PGLYRP3: variants seen among roughly 807,000 people sequenced by gnomAD.
PGLYRP3 encodes the protein peptidoglycan recognition protein 3.
Under a neutral mutation model 36.0 loss-of-function variants are expected in PGLYRP3, and 39 were observed. The observed-to-expected ratio is 1.08, with a 90% CI of 0.84 to 1.41. The LOEUF is 1.41. PGLYRP3 is among the 40% of genes most tolerant of loss of function. The pLI, the probability that PGLYRP3 is intolerant of heterozygous loss-of-function variation, is 0.00. For missense variants in PGLYRP3, 407 were observed against 427.9 expected, an observed-to-expected ratio of 0.95 and a Z score of 0.43; for synonymous variants, 204 against 172.8, an observed-to-expected ratio of 1.18 and a Z score of -1.42.
At position 153,297,907 on chromosome 1, in the gene PGLYRP3, G is replaced by C. The variant is rs1297295048; in HGVS notation, c.*49C>G. ...GCCACCTTGGCTGGTGAGGGTTGGA[G>C]AGACCCAGCAGGGGAGGGAGGGCAG... On this transcript the variant is annotated 3_prime_UTR_variant, in exon 8 of 8. Transcript: ENST00000683862. The C allele has an allele frequency of 5.0e-6, 8 of 1,594,890 alleles. No individual in the cohort carries two copies. The highest frequency in any genetic ancestry group is 6.8e-6 in the Non-Finnish European group (8 of 1,167,958).
intron 4 of PGLYRP3, among the ~76,000 whole-genome samples, chr1:153,304,635 C>T (rs1435789539): frequency 2.6e-5 from 4 of 152,214 alleles, no homozygotes; most frequent in Non-Finnish European, 5.9e-5. Context: ...AGCCATGCTT[C>T]TCTGCCTCTG....
chr1:153,300,310 A>C (rs1659554167), intron 6 of PGLYRP3, among the ~76,000 whole-genome samples: 1 of 152,180 alleles, frequency 6.6e-6, no homozygotes, highest in South Asian at 2.1e-4. Context: ...TCCCTCTAGA[A>C]GCCATTCTCA....
rs760313495 is a variant in PGLYRP3, at chr1:153,297,928, G to A, written c.*28C>T. 3 of 1,607,684 alleles carry A rather than the reference G, an allele frequency of 1.9e-6. No individual in the cohort carries two copies. Among genetic ancestry groups the A allele is most frequent in the East Asian group, 4.5e-5 (2 of 44,720 alleles). On this transcript the variant is annotated 3_prime_UTR_variant, in exon 8 of 8. Transcript: ENST00000683862. ...TGGAGAGACCCAGCAGGGGAGGGAG[G>A]GCAGTCTCAAAGGGAGTGGGGCCTC...
At position 153,303,895 on chromosome 1, in the gene PGLYRP3, G is replaced by T; in HGVS notation, c.491C>A (p.Thr164Asn). 1.9e-6 allele frequency: 3 copies of T among 1,613,884 alleles called. No homozygotes were observed. The highest frequency in any genetic ancestry group is 1.1e-5 in the South Asian group (1 of 91,036). ...YIQPLLLKEE[T>N]CLDPQHPVMP... The stretch of plus-strand genomic sequence containing the variant: ...CACTGGATGTTGAGGGTCCAGGCAG[G>T]TCTCTTCTTTCAGAAGAAGTGGCTG... The change falls in exon 5 of 8, where the codon ACC becomes AAC. Residue 164 changes from threonine to asparagine, a missense_variant. By Grantham distance (65) the Thr-to-Asn change is moderately conservative. Coordinates refer to ENST00000683862, the MANE Select transcript of PGLYRP3 (RefSeq NM_052891.3).
rs557351089 is a variant in PGLYRP3 at position 153,302,684 on chromosome 1, A to G, written c.530-77T>C. On this transcript the variant is annotated intron_variant, in intron 5 of 7. Coordinates refer to ENST00000683862, the MANE Select transcript of PGLYRP3 (RefSeq NM_052891.3). The stretch of plus-strand genomic sequence containing the variant: ...GAGCAATCACTCAACTCCAGGCTGG[A>G]TTATTCCTCAGCCTCTCCCAGGCCT... 53 of 1,405,884 alleles carry G rather than the reference A, an allele frequency of 3.8e-5. No homozygotes were observed. The African/African-American group carries it at 7.1e-4, about 19-fold the overall frequency. The allele number at this position is 1,405,884 out of a possible 1,614,324, so 87.1% of individuals were successfully genotyped here.
intron 1 of PGLYRP3, 101 bp from the exon 2 acceptor site, chr1:153,310,807 G>A: frequency 1.4e-6 from 1 of 740,632 alleles, no homozygotes; most frequent in South Asian, 1.8e-5. Flanking sequence ...CCATCCTGTG[G>A]CTTCCTGAGG....
At chr1:153,299,592 T>TCTC (rs1271898507) in intron 6 of PGLYRP3, among the ~76,000 whole-genome samples, 1 of 151,900 alleles carries the variant, frequency 6.6e-6, no homozygotes, top group South Asian at 2.1e-4. Context: ...CCCTCCTTGT[T>TCTC]CTCCTCCTCC....
Position 153,312,762 on chromosome 1 carries a change from G to A in PGLYRP3, c.-161C>T, listed in dbSNP as rs898922399. ...CAGGACCTGCCCTTCTTCTCCAGCT[G>A]GTGCCTCCTCAGGCCTTCACTCCCC... On this transcript the variant is annotated 5_prime_UTR_variant, in exon 1 of 8. Transcript: ENST00000683862. Among the ~76,000 whole-genome samples the A allele has an allele frequency of 9.9e-5, 15 of 152,244 alleles. No homozygotes were observed. The highest frequency in any genetic ancestry group is 3.4e-4 in the African/African-American group (14 of 41,562).
At position 153,297,220 on chromosome 1, in the gene PGLYRP3, T is replaced by A. The variant is rs575295975; in HGVS notation, c.*736A>T. 9.2e-5 allele frequency among the ~76,000 whole-genome samples: 14 copies of A among 152,184 alleles called. No homozygotes were observed. The East Asian group carries it at 2.5e-3, about 27-fold the overall frequency. ...GAGGATAGAGATGAATAAAATAGAATTCCTCCCTTGGAGAAACTTACAACC... is the reference window on the plus strand; with the variant it reads ...GAGGATAGAGATGAATAAAATAGAAATCCTCCCTTGGAGAAACTTACAACC... On this transcript the variant is annotated 3_prime_UTR_variant, in exon 8 of 8. Transcript: ENST00000683862.
At position 153,303,889 on chromosome 1, in the gene PGLYRP3, A is replaced by G; in HGVS notation, c.497T>C (p.Leu166Pro). 1 of 1,613,920 alleles carries G rather than the reference A, an allele frequency of 6.2e-7. No homozygotes were observed. Among genetic ancestry groups the G allele is most frequent in the Non-Finnish European group, 8.5e-7 (1 of 1,179,960 alleles). ...GGGCATCACTGGATGTTGAGGGTCC[A>G]GGCAGGTCTCTTCTTTCAGAAGAAG... ...QPLLLKEETC[L>P]DPQHPVMPRK... Residue 166 changes from leucine (L) to proline (P), a missense_variant, in exon 5 of 8, where the codon CTG becomes CCG. Coordinates refer to ENST00000683862, the MANE Select transcript of PGLYRP3 (RefSeq NM_052891.3).
chr1:153,302,710 C>T, intron 5 of PGLYRP3, 103 bp from the exon 6 acceptor site: 2 of 1,080,846 alleles, frequency 1.9e-6, no homozygotes, highest in African/African-American at 1.5e-5. Context: ...TCCCAGGCCT[C>T]CAGCACCCAC....
At chr1:153,305,167 A>C (rs926145952) in intron 3 of PGLYRP3, 102 bp from the exon 4 acceptor site, 2 of 856,764 alleles carry the variant, frequency 2.3e-6, no homozygotes, top group South Asian at 1.8e-5. Flanking sequence ...ATAAGTAAGT[A>C]CTATGTTCCA....
intron 3 of PGLYRP3, among the ~76,000 whole-genome samples, chr1:153,305,698 G>A (rs1044752853): frequency 2.0e-5 from 3 of 152,110 alleles, no homozygotes; most frequent in South Asian, 2.1e-4. Context: ...ATGAGTTTCC[G>A]CAGCAAACTG....
chr1:153,310,439 A>G (rs1659866438), intron 2 of PGLYRP3, among the ~76,000 whole-genome samples, 172 bp downstream of exon 2: 1 of 152,252 alleles, frequency 6.6e-6, no homozygotes, highest in Admixed American at 6.5e-5. Context: ...ATAACAAAGG[A>G]CAGGCAAGGA....
intron 2 of PGLYRP3, among the ~76,000 whole-genome samples, chr1:153,310,407 A>G (rs1183415679): frequency 6.6e-6 from 1 of 152,232 alleles, no homozygotes; most frequent in East Asian, 1.9e-4. Context: ...ATTCCAAGAA[A>G]TTGAATAACT....
In PGLYRP3 at chr1:153,299,103, C is replaced by T. The variant is rs1213685433; in HGVS notation, c.847+10G>A. 1.9e-6 allele frequency: 3 copies of T among 1,610,602 alleles called. No homozygotes were observed. The highest frequency in any genetic ancestry group is 2.5e-6 in the Non-Finnish European group (3 of 1,176,978). On this transcript the variant is annotated intron_variant, in intron 7 of 7. Coordinates refer to ENST00000683862, the MANE Select transcript of PGLYRP3 (RefSeq NM_052891.3). ...CCCCAGCACCCCTCTACCCCATGCTCACCCCTTACCTACAAAGTAGCCGAT... is the reference window on the plus strand; with the variant it reads ...CCCCAGCACCCCTCTACCCCATGCTTACCCCTTACCTACAAAGTAGCCGAT...
rs145817152 is a variant in PGLYRP3, at chr1:153,307,118, C to G, written c.205G>C (p.Gly69Arg). 3.1e-6 allele frequency: 5 copies of G among 1,613,494 alleles called. No homozygotes were observed. Among genetic ancestry groups the G allele is most frequent in the Non-Finnish European group, 4.2e-6 (5 of 1,179,820 alleles). ...GTGTAGACGGAATGGGACTGCAACC[C>G]CCGCAGCATCTGGCTGCAAACGCTC... ...QQSVCSQMLR[G>R]LQSHSVYTIG... The change falls in exon 3 of 8, where the codon GGG (glycine) becomes CGG (arginine). Residue 69 changes from glycine (G) to arginine (R), a missense_variant. Physicochemically the swap from Gly to Arg is moderately radical, Grantham distance 125 (BLOSUM62 -2). Coordinates refer to ENST00000683862, the MANE Select transcript of PGLYRP3 (RefSeq NM_052891.3).
At chr1:153,302,704 A>G in intron 5 of PGLYRP3, 97 bp from the exon 6 acceptor site, 1 of 1,182,890 alleles carries the variant, frequency 8.5e-7, no homozygotes, top group Non-Finnish European at 1.2e-6. Context: ...AGCCTCTCCC[A>G]GGCCTCCAGC....
At chr1:153,308,216 G>A (rs532744408) in intron 2 of PGLYRP3, among the ~76,000 whole-genome samples, 5 of 152,218 alleles carry the variant, frequency 3.3e-5, no homozygotes, top group African/African-American at 4.8e-5. Flanking sequence ...GAATGGTCTC[G>A]ATCTCGTGAC....
Sources: gnomAD v4.1 joint callset for allele counts (sites outside exome capture counted in the v4.1 genomes callset) on GRCh38, gnomAD v4.1.1 for gene constraint, MANE v1.5 for transcripts, NCBI Gene and HGNC (gene_info 2026-07-23, HGNC 2026-07-21) for gene names.